PAQR5: variants seen among roughly 807,000 people sequenced by gnomAD.
PAQR5 encodes membrane progestin receptor gamma.
PAQR5 carries 20 observed loss-of-function variants against 34.5 expected under a neutral mutation model. That is an observed-to-expected ratio of 0.58 (90% CI 0.41 to 0.84). The LOEUF is 0.84. Among genes scored for constraint, PAQR5 ranks in the 40% least tolerant of loss-of-function variants. The pLI, the probability that PAQR5 is intolerant of heterozygous loss-of-function variation, is 0.00. For synonymous variants in PAQR5, 131 were observed against 155.6 expected, an observed-to-expected ratio of 0.84 and a Z score of 1.18; for missense variants, 378 against 412.7, an observed-to-expected ratio of 0.92 and a Z score of 0.73.
chr15:69,341,776 C>T (rs570874057), intron 2 of PAQR5, among the ~76,000 whole-genome samples: 1 of 152,010 alleles, frequency 6.6e-6, no homozygotes, highest in East Asian at 1.9e-4. Flanking sequence ...GAGGACTCAT[C>T]TCTACAAAAA....
chr15:69,379,282 T>TG (rs1288050860), intron 3 of PAQR5: 9 of 251,984 alleles, frequency 3.6e-5, no homozygotes, highest in African/African-American at 1.8e-4. Flanking sequence ...GGGTGTTTTT[T>TG]GGGGGGGACT....
intron 1 of PAQR5, among the ~76,000 whole-genome samples, chr15:69,327,018 G>T (rs1368394355): frequency 6.6e-6 from 1 of 151,244 alleles, no homozygotes; most frequent in East Asian, 1.9e-4. Context: ...ATGAGGTTTT[G>T]CTCTGTTGCC....
intron 2 of PAQR5, among the ~76,000 whole-genome samples, chr15:69,356,882 T>C (rs1467634846): frequency 2.0e-5 from 3 of 152,162 alleles, no homozygotes; most frequent in Non-Finnish European, 4.4e-5. Context: ...AGTTTGAATA[T>C]TTGTCCCTGC....
chr15:69,351,781 G>A (rs1037129260), intron 2 of PAQR5, among the ~76,000 whole-genome samples: 3 of 152,128 alleles, frequency 2.0e-5, no homozygotes, highest in Non-Finnish European at 4.4e-5. Context: ...CTTCTACCTC[G>A]GTGTAATTTC....
chr15:69,399,984 T>A lies in PAQR5; in HGVS notation c.620T>A (p.Phe207Tyr). The change falls in exon 8 of 9, where the codon TTC becomes TAC. Residue 207 changes from phenylalanine to tyrosine, a missense_variant. Physicochemically the swap from Phe to Tyr is conservative, Grantham distance 22. Transcript: ENST00000395407. ...SLPIFYRLFL[F>Y]PGESAQNEAT... ...TTTAAACACCTGCAGCTATTCCTGT[T>A]CCCAGGGGAGAGTGCACAAAATGAA... The A allele has an allele frequency of 6.2e-7, 1 of 1,613,930 alleles. No homozygotes were observed. Among genetic ancestry groups the A allele is most frequent in the Non-Finnish European group, 8.5e-7 (1 of 1,179,866 alleles).
intron 1 of PAQR5, among the ~76,000 whole-genome samples, chr15:69,308,396 A>T (rs1237482065): frequency 6.6e-6 from 1 of 152,148 alleles, no homozygotes; most frequent in Non-Finnish European, 1.5e-5. Context: ...GAAATGTATC[A>T]TGGGGACATG....
intron 3 of PAQR5, among the ~76,000 whole-genome samples, chr15:69,363,196 A>G (rs2055287593): frequency 6.6e-6 from 1 of 152,182 alleles, no homozygotes; most frequent in Non-Finnish European, 1.5e-5. Context: ...TCTCTGCATC[A>G]TCAGAGTTGT....
intron 2 of PAQR5, among the ~76,000 whole-genome samples, chr15:69,343,083 C>T (rs1366489313): frequency 6.6e-6 from 1 of 152,190 alleles, no homozygotes; most frequent in Admixed American, 6.5e-5. Flanking sequence ...TCCAGACATC[C>T]GGTGGTGATT....
intron 2 of PAQR5, among the ~76,000 whole-genome samples, chr15:69,351,892 G>T (rs1005897240): frequency 1.3e-5 from 2 of 152,126 alleles, no homozygotes; most frequent in Admixed American, 6.5e-5. Flanking sequence ...AGAAAGAAGC[G>T]CATGAACACC....
Position 69,360,026 on chromosome 15 carries a change from G to A in PAQR5, c.-55G>A. 7.1e-7 allele frequency: 1 copy of A among 1,414,630 alleles called. No individual in the cohort carries two copies. Among genetic ancestry groups the A allele is most frequent in the Admixed American group, 1.7e-5 (1 of 59,460 alleles). The allele number at this position is 1,414,630 out of a possible 1,614,324, so 87.6% of individuals were successfully genotyped here. A position where few individuals can be genotyped will look rare whatever the true frequency, so the allele number is the denominator to read the frequency against. Reference sequence around the variant, plus strand: ...CAGGCCATGTTAGAGCTTTGAGTGAGGCCTGGTAACAGGGAGGCGCTGTCA... The same window carrying A: ...CAGGCCATGTTAGAGCTTTGAGTGAAGCCTGGTAACAGGGAGGCGCTGTCA... On this transcript the variant is annotated 5_prime_UTR_variant, in exon 3 of 9. Transcript: ENST00000395407.
chr15:69,322,741 A>AGGG (rs1367561149), intron 1 of PAQR5, among the ~76,000 whole-genome samples: 1,483 of 37,178 alleles, frequency 0.04, 308 homozygotes, highest in Non-Finnish European at 0.053. Flanking sequence ...GAAGAAGAAG[A>AGGG]AGAAGAAGAA....
At chr15:69,300,891 T>TCC (rs2053570091) in intron 1 of PAQR5, among the ~76,000 whole-genome samples, 1 of 31,566 alleles carries the variant, frequency 3.2e-5, no homozygotes, top group African/African-American at 8.2e-5. Context: ...CTTTCTTTCT[T>TCC]TCTTCCTTCC....
chr15:69,347,036 G>A (rs1016790656), intron 2 of PAQR5, among the ~76,000 whole-genome samples: 17 of 152,010 alleles, frequency 1.1e-4, no homozygotes, highest in African/African-American at 3.6e-4. Context: ...TGGCCAGGCC[G>A]GTCTCAGACT....
intron 4 of PAQR5, among the ~76,000 whole-genome samples, chr15:69,383,365 T>TCCG (rs1595920484): frequency 4.5e-4 from 57 of 127,382 alleles, no homozygotes; most frequent in African/African-American, 5.8e-4. Context: ...GAGTGGGCCT[T>TCCG]TGTGTACATG....
At chr15:69,342,962 C>T (rs2054679643) in intron 2 of PAQR5, among the ~76,000 whole-genome samples, 1 of 152,184 alleles carries the variant, frequency 6.6e-6, no homozygotes, top group South Asian at 2.1e-4. Context: ...ATGCTGGCTT[C>T]CCTGTCCTGA....
At chr15:69,331,814 TG>T (rs1304842335) in intron 1 of PAQR5, among the ~76,000 whole-genome samples, 4 of 152,250 alleles carry the variant, frequency 2.6e-5, no homozygotes, top group Admixed American at 6.5e-5. Context: ...TATATTTTGC[TG>T]GGATGGAAAA....
Position 69,359,975 on chromosome 15 carries a change from A to G in PAQR5, c.-106A>G. On this transcript the variant is annotated 5_prime_UTR_variant, in exon 3 of 9. Transcript: ENST00000395407. The stretch of plus-strand genomic sequence containing the variant: ...TGCTGTCCTCTTTCAGGGAAGCGGC[A>G]CAGCACCAGCTAGGCAGAGACGCCC... 1.2e-6 allele frequency: 1 copy of G among 836,924 alleles called. No homozygotes were observed. The highest frequency in any genetic ancestry group is 2.5e-5 in the East Asian group (1 of 40,734). 51.8% of individuals were successfully genotyped at this position (836,924 alleles called of 1,614,324 possible).
intron 5 of PAQR5, among the ~76,000 whole-genome samples, chr15:69,386,133 CACAT>C (rs1397157979): frequency 1.2e-4 from 18 of 151,868 alleles, no homozygotes; most frequent in East Asian, 1.9e-4. Flanking sequence ...ACAATACACT[CACAT>C]ACACACTCAC....
rs535744547 is a variant in PAQR5 at position 69,405,364 on chromosome 15, G to A, written c.*1542G>A. On this transcript the variant is annotated 3_prime_UTR_variant, in exon 9 of 9. Transcript: ENST00000395407. ...GTAAACAGCTCACTGTCTAATACTC[G>A]AAGGACAAGTAACAATTTATATTGG... 14 of 185,618 alleles carry A rather than the reference G, an allele frequency of 7.5e-5. No homozygotes were observed. The East Asian group carries it at 1.7e-3, about 23-fold the overall frequency. 11.5% of individuals were successfully genotyped at this position (185,618 alleles called of 1,614,324 possible).
Sources: gnomAD v4.1 joint callset for allele counts (sites outside exome capture counted in the v4.1 genomes callset) on GRCh38, gnomAD v4.1.1 for gene constraint, MANE v1.5 for transcripts, NCBI Gene and HGNC (gene_info 2026-07-23, HGNC 2026-07-21) for gene names.